Variants in FERMT3 observed in about 807,000 individuals in gnomAD.
FERMT3 encodes the protein fermitin family homolog 3.
A neutral mutation model predicts 80.8 loss-of-function variants in FERMT3; 33 were observed. That is an observed-to-expected ratio of 0.41 (90% confidence interval 0.31 to 0.55). The LOEUF (loss-of-function observed/expected upper bound fraction) is 0.55. Ranked by LOEUF, FERMT3 falls within the 20% of genes least tolerant of loss-of-function variation. The probability of loss-of-function intolerance (pLI) is 0.31; values close to 1 mark genes in which losing one functional copy is unlikely to be tolerated. For synonymous variants in FERMT3, 375 were observed against 372.2 expected (o/e 1.01, Z -0.09); for missense variants, 754 against 908.7 (o/e 0.83, Z 2.19).
In FERMT3 at chr11:64,219,066, C is replaced by T. The variant is rs571429602; in HGVS notation, c.787-185C>T. 2.0e-5 allele frequency among the ~76,000 whole-genome samples: 3 copies of T among 152,324 alleles called. No homozygotes were observed. Among genetic ancestry groups the T allele is most frequent in the Non-Finnish European group, 4.4e-5 (3 of 68,024 alleles). On this transcript the variant is annotated intron_variant, in intron 6 of 14. Transcript: ENST00000345728. The surrounding 1 kb of genome is among the most constrained non-coding windows in gnomAD (Gnocchi z 4.0). ...GGTTTAGACGTGCAGGCCTGGGCAG[C>T]AGGGGGCTAGCAGGCTATTAAGGAT...
In FERMT3 at chr11:64,211,612, G is replaced by A. The variant is rs1460112752; in HGVS notation, c.684-33G>A. 6 of 1,607,560 alleles carry A rather than the reference G, an allele frequency of 3.7e-6. No homozygotes were observed. Among genetic ancestry groups the A allele is most frequent in the Admixed American group, 1.7e-5 (1 of 59,832 alleles). ...TCCCCACCCCACGGCCGTACCTGGC[G>A]CAGCCCTGACTGCTGCTTCTGCCGC... On this transcript the variant is annotated intron_variant, in intron 5 of 14. Coordinates refer to ENST00000345728, the MANE Select transcript of FERMT3 (RefSeq NM_031471.6). The surrounding 1 kb of genome is among the most constrained non-coding windows in gnomAD (Gnocchi z 4.7).
At chr11:64,216,893 C>G (rs928143981) in intron 6 of FERMT3, among the ~76,000 whole-genome samples, 1 of 152,056 alleles carries the variant, frequency 6.6e-6, no homozygotes, top group African/African-American at 2.4e-5. Flanking sequence ...CTCTTCTGCG[C>G]CCTACCTGGC....
intron 13 of FERMT3, among the ~76,000 whole-genome samples, chr11:64,222,152 T>C (rs1946701381): frequency 6.6e-6 from 1 of 151,450 alleles, no homozygotes; most frequent in Admixed American, 6.6e-5. Flanking sequence ...GGCAGGAGAA[T>C]GTCTTGAACT....
intron 6 of FERMT3, among the ~76,000 whole-genome samples, chr11:64,215,539 C>G (rs1370016135): frequency 6.6e-6 from 1 of 152,102 alleles, no homozygotes; most frequent in Non-Finnish European, 1.5e-5. Flanking sequence ...AACAGCAGCT[C>G]TTTATTTTAA....
chr11:64,221,913 C>T (rs1311993553), intron 13 of FERMT3, among the ~76,000 whole-genome samples: 3 of 149,254 alleles, frequency 2.0e-5, no homozygotes, highest in South Asian at 4.3e-4. Flanking sequence ...GGTGACAGAG[C>T]GAAACTCTGC....
At chr11:64,220,908 G>A in intron 12 of FERMT3, 108 bp from the exon 13 acceptor site, 1 of 1,557,006 alleles carries the variant, frequency 6.4e-7, no homozygotes, top group Admixed American at 1.7e-5. Flanking sequence ...CGTGGGCACT[G>A]CCCCTTCCCA....
chr11:64,220,408 C>T, intron 11 of FERMT3, 28 bp from the exon 12 acceptor site: 1 of 1,609,414 alleles, frequency 6.2e-7, no homozygotes. Context: ...GCTTGGTTAG[C>T]ACTGTCCCCC....
chr11:64,221,045 G>T lies in FERMT3; in HGVS notation c.1575G>T (p.Gln525His). 1 of 1,612,862 alleles carries T rather than the reference G, an allele frequency of 6.2e-7. No individual in the cohort carries two copies. The highest frequency in any genetic ancestry group is 8.5e-7 in the Non-Finnish European group (1 of 1,180,014). Residue 525 changes from glutamine to histidine, a missense_variant, in exon 13 of 15, where the codon CAG becomes CAT. Coordinates refer to ENST00000345728, the MANE Select transcript of FERMT3 (RefSeq NM_031471.6). ...CCCCACGGATCCTGGAAGCCCACCA[G>T]AATGTGGCCCAGTTGTCGCTGGCAG... ...QLTPRILEAH[Q>H]NVAQLSLAEA...
intron 6 of FERMT3, among the ~76,000 whole-genome samples, chr11:64,216,389 C>G (rs1188900136): frequency 6.6e-6 from 1 of 150,500 alleles, no homozygotes; most frequent in South Asian, 2.1e-4. Flanking sequence ...TTAGTAGAGA[C>G]GGGGTTTCAC....
rs763311112 is a variant in FERMT3, at chr11:64,219,336, T to C, written c.872T>C (p.Met291Thr). The change falls in exon 7 of 15, where the codon ATG becomes ACG. Residue 291 changes from methionine (M) to threonine (T), a missense_variant. Physicochemically the swap from Met to Thr is moderately conservative, Grantham distance 81 (BLOSUM62 -1). Transcript: ENST00000345728. The surrounding 1 kb of genome is among the most constrained non-coding windows in gnomAD (Gnocchi z 4.0). ...LEEIDCTEEE[M>T]MVFAALQYHI... ...GAGATTGACTGCACCGAGGAGGAGATGATGGTGTTTGCCGCCCTGCAGGTA... is the reference window on the plus strand; with the variant it reads ...GAGATTGACTGCACCGAGGAGGAGACGATGGTGTTTGCCGCCCTGCAGGTA... 2 of 1,604,400 alleles carry C rather than the reference T, an allele frequency of 1.2e-6. No homozygotes were observed. Among genetic ancestry groups the C allele is most frequent in the Non-Finnish European group, 1.7e-6 (2 of 1,175,902 alleles).
Position 64,221,072 on chromosome 11 carries a change from G to C in FERMT3, c.1602G>C (p.Glu534Asp). 1.2e-6 allele frequency: 2 copies of C among 1,612,620 alleles called. No individual in the cohort carries two copies. The highest frequency in any genetic ancestry group is 1.7e-6 in the Non-Finnish European group (2 of 1,180,028). The change falls in exon 13 of 15, where the codon GAG becomes GAC. Residue 534 changes from glutamate to aspartate, a missense_variant. Glu to Asp is a conservative substitution (Grantham distance 45, BLOSUM62 2). Transcript: ENST00000345728. ...HQNVAQLSLA[E>D]AQLRFIQAWQ... ...ATGTGGCCCAGTTGTCGCTGGCAGAGGCCCAGCTGCGCTTCATCCAGGCCT... is the reference window on the plus strand; with the variant it reads ...ATGTGGCCCAGTTGTCGCTGGCAGACGCCCAGCTGCGCTTCATCCAGGCCT...
In FERMT3 at chr11:64,210,497, G is replaced by A; in HGVS notation, c.161-114G>A. 9.1e-7 allele frequency: 1 copy of A among 1,095,170 alleles called. No homozygotes were observed. Among genetic ancestry groups the A allele is most frequent in the East Asian group, 2.4e-5 (1 of 42,116 alleles). 67.8% of individuals were successfully genotyped at this position (1,095,170 alleles called of 1,614,324 possible). A position where few individuals can be genotyped will look rare whatever the true frequency, so the allele number is the denominator to read the frequency against. ...GCCCGCCCAGGCTGCCCCACTCTTGGCTTAGGCAGGGCAGGGGAGTGGTCG... is the reference window on the plus strand; with the variant it reads ...GCCCGCCCAGGCTGCCCCACTCTTGACTTAGGCAGGGCAGGGGAGTGGTCG... On this transcript the variant is annotated intron_variant, in intron 2 of 14. Transcript: ENST00000345728. The surrounding 1 kb of genome is among the most constrained non-coding windows in gnomAD (Gnocchi z 4.3).
chr11:64,211,439 A>G lies in FERMT3; in HGVS notation c.679A>G (p.Ser227Gly), dbSNP rs2134846268. Residue 227 changes from serine to glycine, a missense_variant, in exon 5 of 15, where the codon AGC becomes GGC. Physicochemically the swap from Ser to Gly is moderately conservative, Grantham distance 56. Coordinates refer to ENST00000345728, the MANE Select transcript of FERMT3 (RefSeq NM_031471.6). The surrounding 1 kb of genome is among the most constrained non-coding windows in gnomAD (Gnocchi z 4.7). ...SSLSDKTQLH[S>G]RWLDSSRCLM... ...CCTGTCAGACAAGACCCAGCTCCAC[A>G]GCAGGTGCACCCAGGAGCCACGCCC... 1 of 1,589,184 alleles carries G rather than the reference A, an allele frequency of 6.3e-7. No homozygotes were observed. Among genetic ancestry groups the G allele is most frequent in the African/African-American group, 1.3e-5 (1 of 74,404 alleles).
In FERMT3 at chr11:64,211,201, G is replaced by A. The variant is rs12794951; in HGVS notation, c.514+30G>A. 6 of 1,538,598 alleles carry A rather than the reference G, an allele frequency of 3.9e-6. No homozygotes were observed. Among genetic ancestry groups the A allele is most frequent in the African/African-American group, 1.4e-5 (1 of 69,722 alleles). On this transcript the variant is annotated intron_variant, in intron 4 of 14. Transcript: ENST00000345728. The surrounding 1 kb of genome is among the most constrained non-coding windows in gnomAD (Gnocchi z 4.7). ...GTGCAAGTGGGGGTGGGCCTGGGGG[G>A]TTGGGGGCAGGGGCCGGCCCGTGAG...
rs1946782397 is a variant in FERMT3 at position 64,223,748 on chromosome 11, AC to A, written c.*260del. ...CCTTGTCTGAGTGGCTGAGGCTGAT[AC>A]CCCTGACCTATCTGCAGTCCCCCAG... On this transcript the variant is annotated 3_prime_UTR_variant, in exon 15 of 15. Coordinates refer to ENST00000345728, the MANE Select transcript of FERMT3 (RefSeq NM_031471.6). The A allele has an allele frequency of 5.1e-6, 4 of 778,206 alleles. No individual in the cohort carries two copies. The highest frequency in any genetic ancestry group is 8.2e-6 in the Non-Finnish European group (4 of 488,910). 48.2% of individuals were successfully genotyped at this position (778,206 alleles called of 1,614,324 possible).
chr11:64,223,263 G>A, intron 14 of FERMT3, 50 bp from the exon 15 acceptor site: 3 of 1,613,038 alleles, frequency 1.9e-6, no homozygotes, highest in Non-Finnish European at 1.7e-6. Context: ...GGTGGGGCAG[G>A]GGCTGCTCCC....
In FERMT3 at chr11:64,220,935, C is replaced by T; in HGVS notation, c.1546-81C>T. 6.3e-6 allele frequency: 10 copies of T among 1,576,940 alleles called. No individual in the cohort carries two copies. In the South Asian group the frequency reaches 6.9e-5, roughly 11 times the overall value. On this transcript the variant is annotated intron_variant, in intron 12 of 14. Coordinates refer to ENST00000345728, the MANE Select transcript of FERMT3 (RefSeq NM_031471.6). ...CCCTTCCCAGGCTCACATGCTGTCACCCTGATGGGGAGGTGGGGGCTCGGT... is the reference window on the plus strand; with the variant it reads ...CCCTTCCCAGGCTCACATGCTGTCATCCTGATGGGGAGGTGGGGGCTCGGT...
upstream of FERMT3, among the ~76,000 whole-genome samples, chr11:64,206,253 C>T (rs1946309220): frequency 6.6e-6 from 1 of 152,200 alleles, no homozygotes; most frequent in African/African-American, 2.4e-5. Context: ...GCAAAATGGA[C>T]TTGTTTCCCT....
intron 6 of FERMT3, among the ~76,000 whole-genome samples, chr11:64,216,141 T>G (rs1336053093): frequency 1.3e-5 from 2 of 150,744 alleles, no homozygotes; most frequent in Admixed American, 6.6e-5. Flanking sequence ...TACATTCCTT[T>G]AAAAAAAGAA....
Sources: gnomAD v4.1 joint callset for allele counts (sites outside exome capture counted in the v4.1 genomes callset) on GRCh38, gnomAD v4.1.1 for gene constraint, Gnocchi (gnomAD v3.1) non-coding constraint, MANE v1.5 for transcripts, NCBI Gene and HGNC (gene_info 2026-07-23, HGNC 2026-07-21) for gene names.